ARHGEF7: variants seen among roughly 807,000 people sequenced by gnomAD.
ARHGEF7 encodes the protein Rho guanine nucleotide exchange factor 7, also known as PAK-interacting exchange factor beta.
Under a neutral mutation model 109.8 loss-of-function variants are expected in ARHGEF7, and 33 were observed. The ratio of observed to expected loss-of-function variants is 0.30; its 90% CI spans 0.23 to 0.40. ARHGEF7 has a LOEUF of 0.40. Among genes scored for constraint, ARHGEF7 ranks in the 10% least tolerant of loss-of-function variants. The pLI is 1.00. For missense variants in ARHGEF7, 938 were observed against 1,098.5 expected (o/e 0.85, Z 2.07); for synonymous variants, 458 against 424.6 (o/e 1.08, Z -0.97).
Position 111,267,535 on chromosome 13 carries a change from C to T in ARHGEF7, c.951-13C>T, listed in dbSNP as rs117572629. On this transcript the variant is annotated splice_polypyrimidine_tract_variant and intron_variant, in intron 8 of 21. Transcript: ENST00000646102. ...AACTGATGACTATTTCCCTTTGTGT[C>T]GCATTTCTCCAGGTTGCCCGAAGCT... 34,504 of 1,613,318 alleles carry T rather than the reference C, an allele frequency of 0.021. 480 individuals are homozygous for T. Among genetic ancestry groups the T allele is most frequent in the Middle Eastern group, 0.051 (311 of 6,058 alleles).
Position 111,157,583 on chromosome 13 carries a change from A to AATGATG in ARHGEF7, c.252+3605_252+3610dup, listed in dbSNP as rs961526428. 2.0e-5 allele frequency among the ~76,000 whole-genome samples: 3 copies of AATGATG among 152,166 alleles called. No individual in the cohort carries two copies. In the East Asian group the frequency reaches 5.8e-4, roughly 29 times the overall value. ...CTCCGTCTCAAAAAAAGAAAAAAAA[A>AATGATG]ATGATGATGATGATGATGTTTGTAG... On this transcript the variant is annotated intron_variant, in intron 2 of 21. Coordinates refer to ENST00000646102, the MANE Select transcript of ARHGEF7 (RefSeq NM_001354046.2).
chr13:111,295,217 C>T, intron 19 of ARHGEF7: 1 of 985,038 alleles, frequency 1.0e-6, no homozygotes, highest in Non-Finnish European at 1.2e-6. Flanking sequence ...ATATTTGTTA[C>T]ATGGGGGAGG....
chr13:111,284,049 C>T (rs547055581), intron 16 of ARHGEF7, among the ~76,000 whole-genome samples: 1 of 152,166 alleles, frequency 6.6e-6, no homozygotes, highest in Admixed American at 6.5e-5. Context: ...GAAGTACTTT[C>T]ACCTGAGGAA....
chr13:111,220,510 A>G (rs992605601), intron 5 of ARHGEF7, among the ~76,000 whole-genome samples: 1 of 152,160 alleles, frequency 6.6e-6, no homozygotes, highest in Admixed American at 6.6e-5. Flanking sequence ...CGCTGAAAAG[A>G]TGGGGTTTGT....
At chr13:111,179,700 C>G (rs1272936086) in intron 2 of ARHGEF7, among the ~76,000 whole-genome samples, 1 of 152,112 alleles carries the variant, frequency 6.6e-6, no homozygotes, top group Non-Finnish European at 1.5e-5. Context: ...GTTTATTTTC[C>G]TGTAGGATCG....
intron 20 of ARHGEF7, among the ~76,000 whole-genome samples, chr13:111,301,179 C>T (rs1351459778): frequency 1.3e-5 from 2 of 152,144 alleles, no homozygotes; most frequent in African/African-American, 4.8e-5. Flanking sequence ...AAACTCCTGA[C>T]CTCAGGTGAT....
At chr13:111,203,106 GCC>G (rs1460357762) in intron 2 of ARHGEF7, 1 of 1,281,484 alleles carries the variant, frequency 7.8e-7, no homozygotes, top group East Asian at 5.6e-5. Flanking sequence ...TTGCTGCCTT[GCC>G]ACTATGAAGG....
At chr13:111,232,128 TATAC>T (rs957035184) in intron 5 of ARHGEF7, among the ~76,000 whole-genome samples, 19 of 152,146 alleles carry the variant, frequency 1.2e-4, no homozygotes, top group African/African-American at 4.3e-4. Flanking sequence ...GGAACTATGA[TATAC>T]ACACAACCAT....
At chr13:111,262,755 C>T (rs549551446) in intron 8 of ARHGEF7, among the ~76,000 whole-genome samples, 1 of 152,358 alleles carries the variant, frequency 6.6e-6, no homozygotes, top group South Asian at 2.1e-4. Flanking sequence ...TGGGTACCCC[C>T]TTTCACCTTG....
At chr13:111,259,971 G>T (rs56132982) in intron 8 of ARHGEF7, among the ~76,000 whole-genome samples, 1 of 152,060 alleles carries the variant, frequency 6.6e-6, no homozygotes, top group Non-Finnish European at 1.5e-5. Flanking sequence ...TGTAGTTGAC[G>T]TACTGAAAAA....
Position 111,239,921 on chromosome 13 carries a change from A to C in ARHGEF7, c.760-3951A>C, listed in dbSNP as rs1405413088. On this transcript the variant is annotated intron_variant, in intron 6 of 21. Coordinates refer to ENST00000646102, the MANE Select transcript of ARHGEF7 (RefSeq NM_001354046.2). This position sits in a 1 kb window ranked among gnomAD's most constrained non-coding sequence, Gnocchi z 4.3. ...TTGTGAAATAATTACCTCCTGACTG[A>C]AGGAGTCATTTAAGAAGCAGCTCCA... Among the ~76,000 whole-genome samples, 1 of 152,122 alleles carries C rather than the reference A, an allele frequency of 6.6e-6. No homozygotes were observed. The highest frequency in any genetic ancestry group is 6.5e-5 in the Admixed American group (1 of 15,282).
intron 4 of ARHGEF7, among the ~76,000 whole-genome samples, chr13:111,212,456 G>A (rs969177675): frequency 6.6e-6 from 1 of 152,168 alleles, no homozygotes; most frequent in Non-Finnish European, 1.5e-5. Context: ...TGGAATTCCT[G>A]GTGACTGCTG....
At chr13:111,298,443 G>A (rs2093474355) in intron 19 of ARHGEF7, among the ~76,000 whole-genome samples, 1 of 152,114 alleles carries the variant, frequency 6.6e-6, no homozygotes, top group African/African-American at 2.4e-5. Flanking sequence ...TAGCCAGGAA[G>A]GGCCCACCAG....
intron 19 of ARHGEF7, among the ~76,000 whole-genome samples, chr13:111,299,357 T>C (rs1377254016): frequency 6.7e-6 from 1 of 149,494 alleles, no homozygotes; most frequent in Non-Finnish European, 1.5e-5. Context: ...TTTTTTTTTT[T>C]TTTGAGACGG....
chr13:111,275,742 ATT>A, intron 12 of ARHGEF7, 64 bp downstream of exon 12: 1 of 1,595,756 alleles, frequency 6.3e-7, no homozygotes, highest in Non-Finnish European at 8.6e-7. Context: ...ATAGCAGAAG[ATT>A]TTAAAGGCAT....
Position 111,115,711 on chromosome 13 carries a change from C to CCCG in ARHGEF7, c.165+23_165+25dup. On this transcript the variant is annotated intron_variant, in intron 1 of 21. Coordinates refer to ENST00000646102, the MANE Select transcript of ARHGEF7 (RefSeq NM_001354046.2). The stretch of plus-strand genomic sequence containing the variant: ...GAGAAAGTAAGTCCCGGCCCGCGCC[C>CCCG]CCGCCCGCGCCCCCCGGTCCGGCCC... 1.8e-6 allele frequency: 2 copies of CCCG among 1,142,232 alleles called. No individual in the cohort carries two copies. The highest frequency in any genetic ancestry group is 2.2e-6 in the Non-Finnish European group (2 of 928,780). 70.8% of individuals were successfully genotyped at this position (1,142,232 alleles called of 1,614,324 possible).
intron 1 of ARHGEF7, among the ~76,000 whole-genome samples, chr13:111,151,499 T>A (rs945766556): frequency 6.6e-6 from 1 of 152,240 alleles, no homozygotes; most frequent in African/African-American, 2.4e-5. Flanking sequence ...TGACTTTTTT[T>A]ATTGGTTGTC....
At position 111,283,486 on chromosome 13, in the gene ARHGEF7, AG is replaced by A. The variant is rs540122747; in HGVS notation, c.1950+130del. ...CACCCTAACTCCTAGAGAACTGAGAAGGGGGGGTCTGCCTTGGTTCTCTGGT... is the reference window on the plus strand; with the variant it reads ...CACCCTAACTCCTAGAGAACTGAGAAGGGGGGTCTGCCTTGGTTCTCTGGT... On this transcript the variant is annotated intron_variant, in intron 16 of 21. Transcript: ENST00000646102. The A allele has an allele frequency of 2.8e-4, 393 of 1,417,954 alleles. 1 individual carries two copies. Among genetic ancestry groups the A allele is most frequent in the South Asian group, 1.5e-3 (101 of 68,502 alleles). 87.8% of individuals were successfully genotyped at this position (1,417,954 alleles called of 1,614,324 possible). A position where few individuals can be genotyped will look rare whatever the true frequency, so the allele number is the denominator to read the frequency against.
At chr13:111,115,112 C>A (rs1016396372), upstream of ARHGEF7, 1 of 149,830 alleles carries the variant, frequency 6.7e-6, no homozygotes, top group African/African-American at 2.4e-5. Flanking sequence ...ATCCGCTCCC[C>A]GCTCCCCTTC....
Sources: allele counts gnomAD v4.1 joint callset (sites outside exome capture counted in the v4.1 genomes callset), GRCh38; gene constraint gnomAD v4.1.1; non-coding constraint Gnocchi (gnomAD v3.1); transcripts MANE v1.5; gene names NCBI Gene and HGNC (gene_info 2026-07-23, HGNC 2026-07-21).